The following ARHGEF38 variants were observed in gnomAD, a reference collection of about 807,000 sequenced individuals.
ARHGEF38 encodes Rho guanine nucleotide exchange factor (GEF) 38.
ARHGEF38 carries 79 observed loss-of-function variants against 79.9 expected under a neutral mutation model. The observed-to-expected ratio is 0.99, with a 90% confidence interval of 0.82 to 1.19. The LOEUF (loss-of-function observed/expected upper bound fraction) is 1.19, where lower values mean the gene tolerates loss of function less well. ARHGEF38 is among the 50% of genes most tolerant of loss of function. ARHGEF38 has a pLI of 0.00. For missense variants in ARHGEF38, 962 were observed against 907.2 expected, an observed-to-expected ratio of 1.06 and a Z score of -0.78; for synonymous variants, 366 against 328.3, an observed-to-expected ratio of 1.11 and a Z score of -1.24.
Position 105,677,996 on chromosome 4 carries a change from C to T in ARHGEF38, c.*59C>T. On this transcript the variant is annotated 3_prime_UTR_variant, in exon 14 of 14. Coordinates refer to ENST00000420470, the MANE Select transcript of ARHGEF38 (RefSeq NM_001242729.2). ...GTTGTTGATTGACTACCTCATAAAA[C>T]TGACATTACAAAACTTTGGACCAGA... The T allele has an allele frequency of 7.2e-7, 1 of 1,398,064 alleles. No homozygotes were observed. The highest frequency in any genetic ancestry group is 9.4e-7 in the Non-Finnish European group (1 of 1,059,904). The allele number at this position is 1,398,064 out of a possible 1,614,324, so 86.6% of individuals were successfully genotyped here.
At chr4:105,661,586 G>A (rs1487402710) in intron 10 of ARHGEF38, among the ~76,000 whole-genome samples, 2 of 150,686 alleles carry the variant, frequency 1.3e-5, no homozygotes, top group Non-Finnish European at 3.0e-5. Flanking sequence ...TCCCTGATCA[G>A]CACTGTTTTA....
intron 1 of ARHGEF38, among the ~76,000 whole-genome samples, chr4:105,565,574 G>T (rs1304560629): frequency 6.6e-6 from 1 of 152,140 alleles, no homozygotes; most frequent in African/African-American, 2.4e-5. Flanking sequence ...TTATGGGTGG[G>T]TGTTTGCACT....
intron 1 of ARHGEF38, among the ~76,000 whole-genome samples, chr4:105,562,291 A>C (rs577072911): frequency 2.6e-5 from 4 of 152,292 alleles, no homozygotes; most frequent in African/African-American, 9.6e-5. Flanking sequence ...CTGTCATTTG[A>C]ATATAATTCT....
intron 1 of ARHGEF38, among the ~76,000 whole-genome samples, chr4:105,588,972 C>T (rs1727186937): frequency 6.6e-6 from 1 of 152,114 alleles, no homozygotes; most frequent in Admixed American, 6.5e-5. Context: ...AGGCTGAATA[C>T]CGGCTTTATA....
At chr4:105,581,394 A>T (rs1240068984) in intron 1 of ARHGEF38, among the ~76,000 whole-genome samples, 5 of 152,126 alleles carry the variant, frequency 3.3e-5, no homozygotes, top group Non-Finnish European at 7.4e-5. Context: ...ATTCTCTATT[A>T]TACCCTCTAG....
At position 105,647,888 on chromosome 4, in the gene ARHGEF38, A is replaced by ATTTTT. The variant is rs769532644; in HGVS notation, c.875-646_875-642dup. ...ACAGTTGTCTTGTCTTTTCTTTTCT[A>ATTTTT]TTTTTTTTTTTTTTTTTTTGAGACA... On this transcript the variant is annotated intron_variant, in intron 6 of 13. Transcript: ENST00000420470. 3.8e-4 allele frequency among the ~76,000 whole-genome samples: 45 copies of ATTTTT among 119,548 alleles called. 1 individual carries two copies. The highest frequency in any genetic ancestry group is 1.4e-3 in the African/African-American group (44 of 31,456). 78.4% of individuals were successfully genotyped at this position (119,548 alleles called of 152,430 possible). A position where few individuals can be genotyped will look rare whatever the true frequency, so the allele number is the denominator to read the frequency against.
At chr4:105,617,619 G>A (rs1728561060) in intron 3 of ARHGEF38, among the ~76,000 whole-genome samples, 1 of 152,062 alleles carries the variant, frequency 6.6e-6, no homozygotes, top group Admixed American at 6.5e-5. Context: ...TTGTAAACAA[G>A]GCCTCTGAAA....
At position 105,658,941 on chromosome 4, in the gene ARHGEF38, C is replaced by A. The variant is rs1440460477; in HGVS notation, c.1234-113C>A. On this transcript the variant is annotated intron_variant, in intron 9 of 13. Transcript: ENST00000420470. ...CTCTTTTAATCTGGGTAGGTGCTTTCCTGTTTTCTTTTGTGCTTCTCGTGG... is the reference window on the plus strand; with the variant it reads ...CTCTTTTAATCTGGGTAGGTGCTTTACTGTTTTCTTTTGTGCTTCTCGTGG... The A allele has an allele frequency of 1.1e-5, 10 of 911,216 alleles. No individual in the cohort carries two copies. In the East Asian group the frequency reaches 2.1e-4, roughly 19 times the overall value. The allele number at this position is 911,216 out of a possible 1,614,324, so 56.4% of individuals were successfully genotyped here. A position where few individuals can be genotyped will look rare whatever the true frequency, so the allele number is the denominator to read the frequency against.
At chr4:105,673,045 A>T (rs552717926) in intron 13 of ARHGEF38, among the ~76,000 whole-genome samples, 1 of 152,332 alleles carries the variant, frequency 6.6e-6, no homozygotes, top group Non-Finnish European at 1.5e-5. Flanking sequence ...CCCATCCAGG[A>T]TAATCCCTCT....
chr4:105,587,293 G>T (rs1727099613), intron 1 of ARHGEF38, among the ~76,000 whole-genome samples: 1 of 152,124 alleles, frequency 6.6e-6, no homozygotes, highest in African/African-American at 2.4e-5. Context: ...GGTTGACAAA[G>T]TGAGAACCTG....
rs138499007 is a variant in ARHGEF38 at position 105,660,225 on chromosome 4, T to C, written c.1545+860T>C. Among the ~76,000 whole-genome samples the C allele has an allele frequency of 4.8e-3, 728 of 152,306 alleles. 7 individuals carry two copies. Among genetic ancestry groups the C allele is most frequent in the Middle Eastern group, 0.034 (10 of 294 alleles). On this transcript the variant is annotated intron_variant, in intron 10 of 13. Transcript: ENST00000420470. ...AGTCTCACACTCATACCTGTTCCTC[T>C]AGCATCCCATTCGCCACTCTCATCC...
At chr4:105,590,905 T>A (rs1220078921) in intron 2 of ARHGEF38, among the ~76,000 whole-genome samples, 1 of 152,162 alleles carries the variant, frequency 6.6e-6, no homozygotes, top group Non-Finnish European at 1.5e-5. Context: ...ATATCCATGT[T>A]TTTTGCTGTT....
chr4:105,643,972 T>A (rs570167160), intron 5 of ARHGEF38, among the ~76,000 whole-genome samples: 1 of 142,210 alleles, frequency 7.0e-6, no homozygotes, highest in African/African-American at 2.6e-5. Context: ...GCTTAAGCAA[T>A]CTGCCCACCT....
intron 1 of ARHGEF38, among the ~76,000 whole-genome samples, chr4:105,568,698 A>G (rs1372401083): frequency 6.6e-6 from 1 of 152,210 alleles, no homozygotes; most frequent in East Asian, 1.9e-4. Context: ...TGTGTTCTCC[A>G]CAGTCAAATG....
intron 1 of ARHGEF38, among the ~76,000 whole-genome samples, chr4:105,570,910 T>A (rs1726191173): frequency 6.6e-6 from 1 of 152,152 alleles, no homozygotes; most frequent in Admixed American, 6.6e-5. Context: ...CTAACTGAAA[T>A]AAGCCAGACA....
chr4:105,609,835 G>A (rs1458083654), intron 2 of ARHGEF38, among the ~76,000 whole-genome samples: 1 of 152,050 alleles, frequency 6.6e-6, no homozygotes, highest in Non-Finnish European at 1.5e-5. Flanking sequence ...AATACCATTT[G>A]ACCCAGCAAT....
chr4:105,655,724 TAA>T lies in ARHGEF38; in HGVS notation c.1233+3_1233+4del. On this transcript the variant is annotated splice_donor_region_variant and intron_variant, in intron 9 of 13. Coordinates refer to ENST00000420470, the MANE Select transcript of ARHGEF38 (RefSeq NM_001242729.2). Reference sequence around the variant, plus strand: ...GCCTTAAATTCGTGTCATGACTTTGTAAGTTATTTATATTCACAGATAAATGC... The same window carrying T: ...GCCTTAAATTCGTGTCATGACTTTGTGTTATTTATATTCACAGATAAATGC... The T allele has an allele frequency of 6.5e-7, 1 of 1,533,546 alleles. No individual in the cohort carries two copies. Among genetic ancestry groups the T allele is most frequent in the Non-Finnish European group, 8.7e-7 (1 of 1,145,758 alleles). 95.0% of individuals were successfully genotyped at this position (1,533,546 alleles called of 1,614,324 possible).
At chr4:105,604,114 C>T (rs2110479414) in intron 2 of ARHGEF38, among the ~76,000 whole-genome samples, 1 of 152,188 alleles carries the variant, frequency 6.6e-6, no homozygotes, top group East Asian at 1.9e-4. Context: ...GGAGGCAAAG[C>T]AGAAAAGAGG....
intron 2 of ARHGEF38, among the ~76,000 whole-genome samples, chr4:105,590,154 A>AAGAG (rs904300657): frequency 6.7e-5 from 10 of 150,374 alleles, no homozygotes; most frequent in Admixed American, 2.0e-4. Flanking sequence ...GAAAGAAAGA[A>AAGAG]AGAGAGAGAG....
Sources: gnomAD v4.1 joint callset for allele counts (sites outside exome capture counted in the v4.1 genomes callset) on GRCh38, gnomAD v4.1.1 for gene constraint, MANE v1.5 for transcripts, NCBI Gene and HGNC (gene_info 2026-07-23, HGNC 2026-07-21) for gene names.